CDK10: variants seen among roughly 807,000 people sequenced by gnomAD.
The protein encoded by CDK10 is cyclin-dependent kinase 10.
CDK10 carries 55 observed loss-of-function variants against 51.0 expected under a neutral mutation model. The observed-to-expected ratio is 1.08, with a 90% CI of 0.87 to 1.35. The LOEUF is 1.35. Among genes scored for constraint, CDK10 ranks in the 40% most tolerant of loss-of-function variants. The pLI is 0.00. For synonymous variants in CDK10, 255 were observed against 199.1 expected, an observed-to-expected ratio of 1.28 and a Z score of -2.36; for missense variants, 589 against 485.1, an observed-to-expected ratio of 1.21 and a Z score of -2.01.
Position 89,695,124 on chromosome 16 carries a change from C to T in CDK10, c.932+54C>T, listed in dbSNP as rs1032258071. The stretch of plus-strand genomic sequence containing the variant: ...CCCTCACCACCCACACTGTCCAGAC[C>T]GTTTCCCAGAGCCCAGCCTCACTGC... On this transcript the variant is annotated intron_variant, in intron 11 of 12. Transcript: ENST00000353379. 55 of 1,575,618 alleles carry T rather than the reference C, an allele frequency of 3.5e-5. No homozygotes were observed. In the Admixed American group the frequency reaches 4.3e-4, roughly 12 times the overall value.
Position 89,686,791 on chromosome 16 carries a change from ACACAGGGTG to A in CDK10, c.83_87+4del, listed in dbSNP as rs1567506930. On this transcript the variant is annotated splice_donor_variant and splice_donor_region_variant and coding_sequence_variant and intron_variant, in exon 1 of 13. Coordinates refer to ENST00000353379, the MANE Select transcript of CDK10 (RefSeq NM_052988.5). LOFTEE classifies it high-confidence loss of function. ...AGGGCTTCTTCACGGTGCCTCCGGA[ACACAGGGTG>A]CGCGGGGTGCCACCCGGGCAGCTCT... The A allele has an allele frequency of 1.9e-6, 3 of 1,610,960 alleles. No homozygotes were observed. The highest frequency in any genetic ancestry group is 1.3e-5 in the African/African-American group (1 of 74,944).
rs370678512 is a variant in CDK10, at chr16:89,686,700, C to T, written c.-11C>T. 3 of 1,563,772 alleles carry T rather than the reference C, an allele frequency of 1.9e-6. No homozygotes were observed. In the East Asian group the frequency reaches 7.2e-5, roughly 37 times the overall value. On this transcript the variant is annotated 5_prime_UTR_variant, in exon 1 of 13. Transcript: ENST00000353379. ...CGCCTGCGCGCAAGAGAGGCGGGGC[C>T]AGCGCTCGGCATGGCGGAGCCAGAT...
chr16:89,695,267 G>T, intron 11 of CDK10, 26 bp from the exon 12 acceptor site: 2 of 1,598,434 alleles, frequency 1.3e-6, no homozygotes, highest in Non-Finnish European at 8.5e-7. Flanking sequence ...CTCACAAGTC[G>T]CACTAACGCA....
Position 89,695,345 on chromosome 16 carries a change from C to G in CDK10, c.985C>G (p.Pro329Ala). ...ESSYFKEKPLPCEPELMPTFP... is the reference protein window; with the variant it reads ...ESSYFKEKPLACEPELMPTFP... ...CTCCTATTTCAAGGAGAAGCCCCTA[C>G]GTGAGTGTGCAGGGTTCCTGACTCG... The change falls in exon 12 of 13, where the codon CCC becomes GCC. Residue 329 changes from proline (P) to alanine (A), a missense_variant and splice_region_variant. By Grantham distance (27) the Pro-to-Ala change is conservative. Coordinates refer to ENST00000353379, the MANE Select transcript of CDK10 (RefSeq NM_052988.5). 1 of 1,612,290 alleles carries G rather than the reference C, an allele frequency of 6.2e-7. No homozygotes were observed. The highest frequency in any genetic ancestry group is 8.5e-7 in the Non-Finnish European group (1 of 1,178,846).
At chr16:89,694,626 C>CT in intron 9 of CDK10, 39 bp from the exon 10 acceptor site, 1 of 1,565,382 alleles carries the variant, frequency 6.4e-7, no homozygotes, top group South Asian at 1.2e-5. Context: ...GCGGGGTCAG[C>CT]AGACGTCTGG....
At chr16:89,695,175 A>G in intron 11 of CDK10, 105 bp downstream of exon 11, 1 of 1,537,136 alleles carries the variant, frequency 6.5e-7, no homozygotes, top group South Asian at 1.2e-5. Flanking sequence ...CCCCAGGCAC[A>G]GCCGCTCGGA....
rs753068651 is a variant in CDK10, at chr16:89,693,483, G to A, written c.608+16G>A. 6.2e-7 allele frequency: 1 copy of A among 1,613,468 alleles called. No homozygotes were observed. The highest frequency in any genetic ancestry group is 1.1e-5 in the South Asian group (1 of 91,058). On this transcript the variant is annotated intron_variant, in intron 8 of 12. Coordinates refer to ENST00000353379, the MANE Select transcript of CDK10 (RefSeq NM_052988.5). ...TCACTCTCTGGTAAGTCCTTCTGAA[G>A]CATGGTGGCCCCTGGGGACCAGGCC...
chr16:89,693,453 G>A lies in CDK10; in HGVS notation c.594G>A (p.Lys198=), dbSNP rs769721112. 79 of 1,614,040 alleles carry A rather than the reference G, an allele frequency of 4.9e-5. No homozygotes were observed. Among genetic ancestry groups the A allele is most frequent in the Non-Finnish European group, 6.4e-5 (76 of 1,180,046 alleles). Residue 198 remains lysine (K), a synonymous_variant, in exon 8 of 13, where the codon AAG becomes AAA. Coordinates refer to ENST00000353379, the MANE Select transcript of CDK10 (RefSeq NM_052988.5). ...YGVPVKPMTP[K]VVTLWYRAPE... ...TCCCAGTAAAGCCAATGACCCCCAA[G>A]GTGGTCACTCTCTGGTAAGTCCTTC...
intron 2 of CDK10, 192 bp from the exon 3 acceptor site, chr16:89,690,358 AATG>A (rs1281194558): frequency 1.7e-6 from 1 of 603,200 alleles, no homozygotes; most frequent in Non-Finnish European, 3.0e-6. Context: ...GCCCAGTTCA[AATG>A]AGGAAACCCT....
Position 89,696,212 on chromosome 16 carries a change from G to A in CDK10, c.*520G>A, listed in dbSNP as rs2060713184. On this transcript the variant is annotated 3_prime_UTR_variant, in exon 13 of 13. Coordinates refer to ENST00000353379, the MANE Select transcript of CDK10 (RefSeq NM_052988.5). ...GTATGGGGTGGGAGCCACAATTGAGGATACCCCGAGACTACCAGGAGAGCC... is the reference window on the plus strand; with the variant it reads ...GTATGGGGTGGGAGCCACAATTGAGAATACCCCGAGACTACCAGGAGAGCC... 7.1e-6 allele frequency: 2 copies of A among 280,140 alleles called. No homozygotes were observed. Among genetic ancestry groups the A allele is most frequent in the Admixed American group, 9.6e-5 (2 of 20,752 alleles). 17.4% of individuals were successfully genotyped at this position (280,140 alleles called of 1,614,324 possible). A position where few individuals can be genotyped will look rare whatever the true frequency, so the allele number is the denominator to read the frequency against.
At chr16:89,688,033 G>A (rs927981120) in intron 1 of CDK10, among the ~76,000 whole-genome samples, 1 of 150,616 alleles carries the variant, frequency 6.6e-6, no homozygotes, top group Admixed American at 6.6e-5. Context: ...GAGAAGGGAA[G>A]CCGGGAAATG....
intron 9 of CDK10, 176 bp from the exon 10 acceptor site, chr16:89,694,489 C>T: frequency 8.3e-7 from 1 of 1,200,196 alleles, no homozygotes; most frequent in Middle Eastern, 2.4e-4. Context: ...CCCGGGAGGC[C>T]TGCGGGGCCC....
rs552706743 is a variant in CDK10, at chr16:89,686,789, G to A, written c.79G>A (p.Glu27Lys). Reference sequence around the variant, plus strand: ...GGAGGGCTTCTTCACGGTGCCTCCGGAACACAGGGTGCGCGGGGTGCCACC... The same window carrying A: ...GGAGGGCTTCTTCACGGTGCCTCCGAAACACAGGGTGCGCGGGGTGCCACC... ...RKEGFFTVPPEHRLGRCRSVK... is the reference protein window; with the variant it reads ...RKEGFFTVPPKHRLGRCRSVK... Residue 27 changes from glutamate (E) to lysine (K), a missense_variant, in exon 1 of 13, where the codon GAA (glutamate) becomes AAA (lysine). Physicochemically the swap from Glu to Lys is moderately conservative, Grantham distance 56. Transcript: ENST00000353379. 1.9e-6 allele frequency: 3 copies of A among 1,611,236 alleles called. No individual in the cohort carries two copies. Among genetic ancestry groups the A allele is most frequent in the Admixed American group, 1.7e-5 (1 of 59,828 alleles).
At position 89,692,489 on chromosome 16, in the gene CDK10, A is replaced by G. The variant is rs1191727848; in HGVS notation, c.458A>G (p.Tyr153Cys). ...IVLQVLRGLQ[Y>C]LHRNFIIHRD... ...CTGCAGGTGCTCCGGGGCCTCCAGT[A>G]TCTGCACAGGAACTTCATTATCCAC... Residue 153 changes from tyrosine (Y) to cysteine (C), a missense_variant, in exon 6 of 13, where the codon TAT (tyrosine) becomes TGT (cysteine). Coordinates refer to ENST00000353379, the MANE Select transcript of CDK10 (RefSeq NM_052988.5). 1.3e-6 allele frequency: 2 copies of G among 1,597,292 alleles called. No individual in the cohort carries two copies. Among genetic ancestry groups the G allele is most frequent in the Non-Finnish European group, 1.7e-6 (2 of 1,171,768 alleles).
At position 89,695,320 on chromosome 16, in the gene CDK10, C is replaced by G. The variant is rs2060668279; in HGVS notation, c.960C>G (p.Ser320Arg). Residue 320 changes from serine to arginine, a missense_variant, in exon 12 of 13, where the codon AGC (serine) becomes AGG (arginine). Ser to Arg is a moderately radical substitution (Grantham distance 110). Coordinates refer to ENST00000353379, the MANE Select transcript of CDK10 (RefSeq NM_052988.5). ...CGACGGCCGGGGACTGCCTGGAGAG[C>G]TCCTATTTCAAGGAGAAGCCCCTAC... is the stretch of plus-strand genomic sequence containing the variant. The part of the protein sequence containing the change: ...KRATAGDCLE[S>R]SYFKEKPLPC... 6.2e-7 allele frequency: 1 copy of G among 1,612,358 alleles called. No individual in the cohort carries two copies. The highest frequency in any genetic ancestry group is 8.5e-7 in the Non-Finnish European group (1 of 1,179,124).
chr16:89,691,807 A>G lies in CDK10; in HGVS notation c.337A>G (p.Ile113Val). The G allele has an allele frequency of 6.2e-7, 1 of 1,613,734 alleles. No homozygotes were observed. Residue 113 changes from isoleucine (I) to valine (V), a missense_variant and splice_region_variant, in exon 5 of 13, where the codon ATC becomes GTC. Physicochemically the swap from Ile to Val is conservative, Grantham distance 29. Coordinates refer to ENST00000353379, the MANE Select transcript of CDK10 (RefSeq NM_052988.5). ...GCATGCATCTTCTGTTTCTTCCAGC[A>G]TCTTCCTGGTGATGGGTTACTGTGA... is the stretch of plus-strand genomic sequence containing the variant. Reference protein sequence around the residue: ...EVVVGNHLESIFLVMGYCEQD... With the variant: ...EVVVGNHLESVFLVMGYCEQD...
intron 1 of CDK10, chr16:89,687,068 C>A (rs1460761752): frequency 3.0e-6 from 1 of 336,432 alleles, no homozygotes; most frequent in Non-Finnish European, 5.3e-6. Context: ...GAAGAGCAAG[C>A]TCCGGGATCC....
chr16:89,696,083 C>T lies in CDK10; in HGVS notation c.*391C>T, dbSNP rs2060708339. The T allele has an allele frequency of 9.4e-6, 5 of 531,472 alleles. No individual in the cohort carries two copies. The South Asian group carries it at 1.0e-4, about 11-fold the overall frequency. 32.9% of individuals were successfully genotyped at this position (531,472 alleles called of 1,614,324 possible). ...CCTGGGATGAGAGGGCCCAGAAGAC[C>T]TTCGTATCCCCTCTCAGTCGCCCGG... On this transcript the variant is annotated 3_prime_UTR_variant, in exon 13 of 13. Coordinates refer to ENST00000353379, the MANE Select transcript of CDK10 (RefSeq NM_052988.5).
At chr16:89,693,173 C>A in intron 6 of CDK10, 101 bp from the exon 7 acceptor site, 5 of 1,002,836 alleles carry the variant, frequency 5.0e-6, no homozygotes, top group Non-Finnish European at 7.7e-6. Flanking sequence ...AAGCCCAAAG[C>A]TGAGGAAACG....
Sources: allele counts gnomAD v4.1 joint callset (sites outside exome capture counted in the v4.1 genomes callset), GRCh38; gene constraint gnomAD v4.1.1; transcripts MANE v1.5; gene names NCBI Gene and HGNC (gene_info 2026-07-23, HGNC 2026-07-21).